Variants in RTL1 observed in about 807,000 individuals in gnomAD.
The protein encoded by RTL1 is retrotransposon-like protein 1.
For missense variants in RTL1, 1,681 were observed against 1,767.5 expected (o/e 0.95, Z 0.88); for synonymous variants, 727 against 748.4 (o/e 0.97, Z 0.47).
intron 2 of RTL1, among the ~76,000 whole-genome samples, chr14:100,898,699 T>C (rs2038902110): frequency 1.3e-5 from 2 of 152,180 alleles, no homozygotes; most frequent in Admixed American, 1.3e-4. Flanking sequence ...CCCTACTTCT[T>C]AGGCTTTGCG....
intron 3 of RTL1, among the ~76,000 whole-genome samples, chr14:100,888,091 C>T (rs752224118): frequency 3.9e-5 from 6 of 152,104 alleles, no homozygotes; most frequent in Admixed American, 6.5e-5. Flanking sequence ...CTTCTTAAAA[C>T]GCTTTACTGG....
chr14:100,899,350 G>C (rs1289221463), intron 2 of RTL1, among the ~76,000 whole-genome samples: 1 of 152,222 alleles, frequency 6.6e-6, no homozygotes, highest in African/African-American at 2.4e-5. Flanking sequence ...AACGGGTCTG[G>C]TCCCAGAACA....
rs2038946547 is a variant in RTL1 at position 100,901,854 on chromosome 14, AC to A, written c.-149+1436del. ...CTCATTGCCTTATTGGGACAGAGGC[AC>A]CCCGCCAACCATCTCTGTGCCTTTG... is the stretch of plus-strand genomic sequence containing the variant. On this transcript the variant is annotated intron_variant, in intron 2 of 3. Transcript: ENST00000649591. 2.0e-5 allele frequency among the ~76,000 whole-genome samples: 3 copies of A among 151,990 alleles called. No individual in the cohort carries two copies. In the South Asian group the frequency reaches 6.2e-4, roughly 32 times the overall value.
Position 100,882,761 on chromosome 14 carries a change from G to A in RTL1, c.2028C>T (p.Ser676=). ...CATCTTCGGTGCGGTGCCCGTTCAC[G>A]CTTTCCTCCACAATGGTCCCACGCA... ...LELRGTIVEE[S]VNGHRTEDVW... is the part of the protein sequence containing the mutation. The change falls in exon 4 of 4, where the codon AGC becomes AGT. Residue 676 remains serine, a synonymous_variant. Transcript: ENST00000649591. 6.4e-7 allele frequency: 1 copy of A among 1,551,880 alleles called. No individual in the cohort carries two copies. Among genetic ancestry groups the A allele is most frequent in the Non-Finnish European group, 8.7e-7 (1 of 1,147,046 alleles).
At chr14:100,887,419 C>G (rs1396578776) in intron 3 of RTL1, among the ~76,000 whole-genome samples, 2 of 152,150 alleles carry the variant, frequency 1.3e-5, no homozygotes, top group Non-Finnish European at 2.9e-5. Context: ...TCTCTGACTA[C>G]TCTACCCAAG....
At position 100,882,567 on chromosome 14, in the gene RTL1, C is replaced by G; in HGVS notation, c.2222G>C (p.Ser741Thr). Reference sequence around the variant, plus strand: ...GACGTGGTGGAGGTGCTCCTCCTGACTCATTGAGTAGATCAGGACTTCCTG... The same window carrying G: ...GACGTGGTGGAGGTGCTCCTCCTGAGTCATTGAGTAGATCAGGACTTCCTG... Reference protein sequence around the residue: ...YGQEVLIYSMSQEEHLHHVRQ... With the variant: ...YGQEVLIYSMTQEEHLHHVRQ... Residue 741 changes from serine to threonine, a missense_variant, in exon 4 of 4, where the codon AGT (serine) becomes ACT (threonine). By Grantham distance (58) the Ser-to-Thr change is moderately conservative. Transcript: ENST00000649591. The G allele has an allele frequency of 6.4e-7, 1 of 1,551,760 alleles. No homozygotes were observed. The highest frequency in any genetic ancestry group is 1.2e-5 in the South Asian group (1 of 84,054).
chr14:100,886,980 C>T (rs2038704942), intron 3 of RTL1, among the ~76,000 whole-genome samples: 1 of 152,148 alleles, frequency 6.6e-6, no homozygotes, highest in Non-Finnish European at 1.5e-5. Flanking sequence ...CTAATATCCT[C>T]GGCATGTTAG....
chr14:100,890,346 C>A (rs570209689), intron 3 of RTL1, among the ~76,000 whole-genome samples: 4 of 151,590 alleles, frequency 2.6e-5, no homozygotes, highest in African/African-American at 9.7e-5. Flanking sequence ...CAGCAAATAC[C>A]TCTCTCTGTC....
intron 3 of RTL1, among the ~76,000 whole-genome samples, chr14:100,888,268 T>C (rs1357544036): frequency 6.6e-6 from 1 of 152,188 alleles, no homozygotes; most frequent in Non-Finnish European, 1.5e-5. Flanking sequence ...AGAGATCCTG[T>C]CTTATAGCTG....
At chr14:100,886,874 C>A (rs6575806) in intron 3 of RTL1, among the ~76,000 whole-genome samples, 110,928 of 152,046 alleles carry the variant, frequency 0.73, 40,833 homozygotes, top group East Asian at 0.91. Context: ...TAGATTATGC[C>A]CCCTCTTAAT....
In RTL1 at chr14:100,887,490, A is replaced by G. The variant is rs141567756; in HGVS notation, c.-86-2616T>C. Among the ~76,000 whole-genome samples the G allele has an allele frequency of 4.7e-4, 72 of 152,328 alleles. No homozygotes were observed. The East Asian group carries it at 0.013, about 27-fold the overall frequency. On this transcript the variant is annotated intron_variant, in intron 3 of 3. Coordinates refer to ENST00000649591, the MANE Select transcript of RTL1 (RefSeq NM_001134888.3). Reference sequence around the variant, plus strand: ...CTTAATGAGCCAGGCACGGTGACTCACAGCTGTAATCCCAGCACTTTGGGA... The same window carrying G: ...CTTAATGAGCCAGGCACGGTGACTCGCAGCTGTAATCCCAGCACTTTGGGA...
At chr14:100,895,995 C>A (rs2038850034) in intron 2 of RTL1, among the ~76,000 whole-genome samples, 1 of 151,390 alleles carries the variant, frequency 6.6e-6, no homozygotes, top group South Asian at 2.1e-4. Context: ...ATTGCTCGAA[C>A]CTGGAAGGCA....
chr14:100,885,566 T>C (rs1442639204), intron 3 of RTL1, among the ~76,000 whole-genome samples: 1 of 151,842 alleles, frequency 6.6e-6, no homozygotes, highest in Non-Finnish European at 1.5e-5. Flanking sequence ...ATACCTACTA[T>C]GTGCTGGATA....
At position 100,882,698 on chromosome 14, in the gene RTL1, C is replaced by T. The variant is rs755600518; in HGVS notation, c.2091G>A (p.Met697Ile). 41 of 1,551,762 alleles carry T rather than the reference C, an allele frequency of 2.6e-5. No homozygotes were observed. The highest frequency in any genetic ancestry group is 1.7e-4 in the Middle Eastern group (1 of 6,016). The change falls in exon 4 of 4, where the codon ATG (methionine) becomes ATA (isoleucine). Residue 697 changes from methionine to isoleucine, a missense_variant. Met to Ile is a conservative substitution (Grantham distance 10). Transcript: ENST00000649591. Reference sequence around the variant, plus strand: ...AGAGCGCAAACGGCTGGTAGCTCTTCATCTCTTCAAGCTCCAAACCAAACG... The same window carrying T: ...AGAGCGCAAACGGCTGGTAGCTCTTTATCTCTTCAAGCTCCAAACCAAACG... The part of the protein sequence containing the change: ...KAAFGLELEE[M>I]KSYQPFALSP...
In RTL1 at chr14:100,888,504, A is replaced by G. The variant is rs75276776; in HGVS notation, c.-86-3630T>C. Among the ~76,000 whole-genome samples, 103 of 152,352 alleles carry G rather than the reference A, an allele frequency of 6.8e-4. 3 individuals are homozygous for G. In the East Asian group the frequency reaches 0.019, roughly 28 times the overall value. ...GTTATTAACATGATATAAAAATTTG[A>G]TCATGTCATCCCTTAAAGTCAAATT... On this transcript the variant is annotated intron_variant, in intron 3 of 3. Coordinates refer to ENST00000649591, the MANE Select transcript of RTL1 (RefSeq NM_001134888.3).
chr14:100,901,617 C>G (rs2038942758), intron 2 of RTL1, among the ~76,000 whole-genome samples: 1 of 152,322 alleles, frequency 6.6e-6, no homozygotes, highest in Non-Finnish European at 1.5e-5. Flanking sequence ...GAAAAGGGCC[C>G]CTCAACCTGC....
Position 100,884,799 on chromosome 14 carries a change from G to A in RTL1, c.-11C>T. On this transcript the variant is annotated 5_prime_UTR_variant, in exon 4 of 4. Transcript: ENST00000649591. ...AGAGGGTTCTATCATTTCGTCGGATGGAAAGGAGTGTATTCTGAAGATTGG... is the reference window on the plus strand; with the variant it reads ...AGAGGGTTCTATCATTTCGTCGGATAGAAAGGAGTGTATTCTGAAGATTGG... The A allele has an allele frequency of 6.5e-7, 1 of 1,547,998 alleles. No homozygotes were observed. Among genetic ancestry groups the A allele is most frequent in the Non-Finnish European group, 8.7e-7 (1 of 1,147,272 alleles).
intron 3 of RTL1, among the ~76,000 whole-genome samples, chr14:100,890,553 T>C (rs1200764299): frequency 6.6e-6 from 1 of 151,288 alleles, no homozygotes; most frequent in African/African-American, 2.4e-5. Context: ...GTGGGGAGGC[T>C]GTGAGGATGG....
chr14:100,884,946 C>G (rs41286564), intron 3 of RTL1, 72 bp from the exon 4 acceptor site: 161,277 of 632,772 alleles, frequency 0.25, 21,731 homozygotes, highest in East Asian at 0.39. Flanking sequence ...GTATCAGGGT[C>G]TCAAGGACAA....
Sources: gnomAD v4.1 joint callset for allele counts (sites outside exome capture counted in the v4.1 genomes callset) on GRCh38, gnomAD v4.1.1 for gene constraint, MANE v1.5 for transcripts, NCBI Gene and HGNC (gene_info 2026-07-23, HGNC 2026-07-21) for gene names.